The following TMTC2 variants were observed in gnomAD, a reference collection of about 807,000 sequenced individuals.
The protein encoded by TMTC2 is protein O-mannosyl-transferase TMTC2.
In TMTC2, 43 loss-of-function variants were observed where a neutral mutation model predicts 82.4. That is an observed-to-expected ratio of 0.52 (90% CI 0.41 to 0.67). The LOEUF is 0.67. Among genes scored for constraint, TMTC2 ranks in the 30% least tolerant of loss-of-function variants. The pLI is 0.00. For synonymous variants in TMTC2, 408 were observed against 381.9 expected (o/e 1.07, Z -0.80); for missense variants, 919 against 1,012.4 (o/e 0.91, Z 1.25).
At chr12:82,830,782 T>C (rs1433291757) in intron 1 of TMTC2, among the ~76,000 whole-genome samples, 1 of 152,206 alleles carries the variant, frequency 6.6e-6, no homozygotes, top group Non-Finnish European at 1.5e-5. Context: ...TAAATATAGA[T>C]AAATCTTAGA....
chr12:83,113,696 A>G (rs1227873604), intron 11 of TMTC2, among the ~76,000 whole-genome samples: 1 of 152,224 alleles, frequency 6.6e-6, no homozygotes, highest in Non-Finnish European at 1.5e-5. Context: ...TTATGTGTGA[A>G]GACCTCGCAT....
At chr12:83,033,336 T>C (rs1032700208) in intron 9 of TMTC2, among the ~76,000 whole-genome samples, 4 of 152,266 alleles carry the variant, frequency 2.6e-5, no homozygotes, top group Non-Finnish European at 4.4e-5. Flanking sequence ...GTTAAAATTA[T>C]GTAATATAAC....
rs148817018 is a variant in TMTC2 at position 82,741,751 on chromosome 12, G to A, written c.83+54082G>A. Among the ~76,000 whole-genome samples the A allele has an allele frequency of 1.7e-3, 262 of 152,358 alleles. 1 individual carries two copies. Among genetic ancestry groups the A allele is most frequent in the African/African-American group, 5.5e-3 (229 of 41,590 alleles). Reference sequence around the variant, plus strand: ...TAATTTGATGTAAAGTGTGGAGGCTGTAGTGTTTATCTTCCTGTCTGCTCT... The same window carrying A: ...TAATTTGATGTAAAGTGTGGAGGCTATAGTGTTTATCTTCCTGTCTGCTCT... On this transcript the variant is annotated intron_variant, in intron 1 of 11. Coordinates refer to ENST00000321196, the MANE Select transcript of TMTC2 (RefSeq NM_152588.3).
chr12:82,784,841 G>T (rs1196861816), intron 1 of TMTC2, among the ~76,000 whole-genome samples: 2 of 151,998 alleles, frequency 1.3e-5, no homozygotes, highest in African/African-American at 4.8e-5. Flanking sequence ...ATTCTGCCCT[G>T]CAGCTTTCTG....
intron 2 of TMTC2, among the ~76,000 whole-genome samples, chr12:82,882,341 A>G (rs1872875992): frequency 6.6e-6 from 1 of 152,182 alleles, no homozygotes; most frequent in Admixed American, 6.5e-5. Flanking sequence ...TGTTGATATC[A>G]GTACTTTACC....
At chr12:82,957,657 G>A (rs1047783329) in intron 4 of TMTC2, among the ~76,000 whole-genome samples, 3 of 151,756 alleles carry the variant, frequency 2.0e-5, no homozygotes, top group Admixed American at 6.6e-5. Flanking sequence ...AAAGAGGGAC[G>A]ATATTAGGTT....
chr12:83,119,058 T>C (rs1013636084), intron 11 of TMTC2, among the ~76,000 whole-genome samples: 2 of 152,224 alleles, frequency 1.3e-5, no homozygotes, highest in African/African-American at 4.8e-5. Context: ...TTGGTTAATC[T>C]TGCTAATGGT....
chr12:82,867,975 G>T (rs1447161141), intron 2 of TMTC2, among the ~76,000 whole-genome samples: 1 of 152,204 alleles, frequency 6.6e-6, no homozygotes, highest in African/African-American at 2.4e-5. Flanking sequence ...TGCAGATTTA[G>T]ATTTAAATAG....
intron 1 of TMTC2, among the ~76,000 whole-genome samples, chr12:82,730,733 A>C (rs1874754625): frequency 6.6e-6 from 1 of 152,204 alleles, no homozygotes; most frequent in African/African-American, 2.4e-5. Context: ...CCATCTTGAA[A>C]AGAAAGTTGT....
chr12:82,815,465 C>G (rs982067729), intron 1 of TMTC2, among the ~76,000 whole-genome samples: 2 of 151,668 alleles, frequency 1.3e-5, no homozygotes, highest in African/African-American at 4.8e-5. Flanking sequence ...CGCCCGCCAC[C>G]ACGCCCAGCT....
chr12:83,108,746 C>T (rs1405968742), intron 11 of TMTC2, among the ~76,000 whole-genome samples: 1 of 152,000 alleles, frequency 6.6e-6, no homozygotes, highest in Admixed American at 6.6e-5. Context: ...CTGTTGGTGC[C>T]ATGTTTGCTT....
At chr12:83,007,971 G>T (rs374215065) in intron 8 of TMTC2, among the ~76,000 whole-genome samples, 2 of 152,138 alleles carry the variant, frequency 1.3e-5, no homozygotes, top group African/African-American at 2.4e-5. Context: ...GATGGTTTTT[G>T]ATCAGAAGTT....
chr12:82,823,707 A>G (rs17041817), intron 1 of TMTC2, among the ~76,000 whole-genome samples: 3,095 of 152,278 alleles, frequency 0.02, 110 homozygotes, highest in African/African-American at 0.071. Flanking sequence ...TTATTTTTAC[A>G]GAAAAACCCC....
chr12:82,952,600 C>T (rs1489197587), intron 4 of TMTC2, among the ~76,000 whole-genome samples: 2 of 152,076 alleles, frequency 1.3e-5, no homozygotes, highest in Non-Finnish European at 2.9e-5. Flanking sequence ...GACTCAAGTC[C>T]AGTGGTGCAA....
intron 11 of TMTC2, among the ~76,000 whole-genome samples, chr12:83,088,643 G>T (rs1021699148): frequency 6.6e-6 from 1 of 152,170 alleles, no homozygotes; most frequent in Non-Finnish European, 1.5e-5. Context: ...TGAGCAGTCA[G>T]AGCACACACA....
At chr12:82,831,649 C>T (rs556829438) in intron 1 of TMTC2, among the ~76,000 whole-genome samples, 99 of 152,148 alleles carry the variant, frequency 6.5e-4, no homozygotes, top group African/African-American at 2.3e-3. Flanking sequence ...GTCTCTAATA[C>T]TTAGGGTGGA....
intron 2 of TMTC2, among the ~76,000 whole-genome samples, chr12:82,868,231 C>A (rs1057086981): frequency 7.2e-5 from 11 of 152,088 alleles, no homozygotes; most frequent in African/African-American, 2.7e-4. Context: ...TTTTATGGAG[C>A]ACTCAATTAG....
intron 9 of TMTC2, among the ~76,000 whole-genome samples, chr12:83,045,359 G>A (rs193009790): frequency 6.6e-6 from 1 of 152,098 alleles, no homozygotes; most frequent in African/African-American, 2.4e-5. Flanking sequence ...CCAAAGAAAT[G>A]AAGTGTAGTA....
At chr12:82,784,466 C>T (rs932311322) in intron 1 of TMTC2, among the ~76,000 whole-genome samples, 2 of 152,178 alleles carry the variant, frequency 1.3e-5, no homozygotes, top group Non-Finnish European at 2.9e-5. Context: ...ATCGCACGGC[C>T]TGATACATCG....
Sources: allele counts gnomAD v4.1 joint callset (sites outside exome capture counted in the v4.1 genomes callset), GRCh38; gene constraint gnomAD v4.1.1; transcripts MANE v1.5; gene names NCBI Gene and HGNC (gene_info 2026-07-23, HGNC 2026-07-21).